The following SKIDA1 variants were observed in gnomAD, a reference collection of about 807,000 sequenced individuals.
SKIDA1 encodes the protein SKI/DACH domain containing 1, also known as SKI/DACH domain-containing protein 1.
A neutral mutation model predicts 51.4 loss-of-function variants in SKIDA1; 18 were observed. That is an observed-to-expected ratio of 0.35 (90% CI 0.24 to 0.52). The LOEUF is 0.52. Ranked by LOEUF, SKIDA1 falls within the 20% of genes least tolerant of loss-of-function variation. SKIDA1 has a pLI of 0.95. For missense variants in SKIDA1, 1,104 were observed against 1,180.6 expected, an observed-to-expected ratio of 0.94 and a Z score of 0.95; for synonymous variants, 579 against 500.5, an observed-to-expected ratio of 1.16 and a Z score of -2.09.
chr10:21,521,079 C>CACACAT (rs1554772021), intron 3 of SKIDA1, among the ~76,000 whole-genome samples: 5 of 151,870 alleles, frequency 3.3e-5, no homozygotes, highest in Non-Finnish European at 7.4e-5. Context: ...CACACACACA[C>CACACAT]ACACACACAA....
Position 21,515,887 on chromosome 10 carries a change from T to C in SKIDA1, c.1936A>G (p.Thr646Ala). 1 of 1,614,074 alleles carries C rather than the reference T, an allele frequency of 6.2e-7. No homozygotes were observed. The highest frequency in any genetic ancestry group is 1.3e-5 in the African/African-American group (1 of 75,070). Reference sequence around the variant, plus strand: ...TCAGTCTGCGAAGAGGGCAAATCCGTAGCAAATTCAGGACAATGAAGGATT... The same window carrying C: ...TCAGTCTGCGAAGAGGGCAAATCCGCAGCAAATTCAGGACAATGAAGGATT... ...SKILHCPEFA[T>A]DLPSSQTDPE... Residue 646 changes from threonine to alanine, a missense_variant, in exon 4 of 4, where the codon ACG (threonine) becomes GCG (alanine). Thr to Ala is a moderately conservative substitution (Grantham distance 58). Around this residue, in one of 3 missense-constraint regions of SKIDA1, gnomAD observed 938 missense variants for 886.4 expected, o/e 1.06. Coordinates refer to ENST00000449193, the MANE Select transcript of SKIDA1 (RefSeq NM_207371.4).
Position 21,516,768 on chromosome 10 carries a change from C to CGGTGGTGGT in SKIDA1, c.1046_1054dup (p.His349_His351dup), listed in dbSNP as rs770117846. On this transcript the variant is annotated inframe_insertion, in exon 4 of 4. Transcript: ENST00000449193. This position sits in a 1 kb window ranked among gnomAD's most constrained non-coding sequence, Gnocchi z 5.7. ...GTGACTCTGCTGCGGCGGCTGGGCC[C>CGGTGGTGGT]GGTGGTGGTGGTGGTGGTGGTGATG... 48 of 1,538,368 alleles carry CGGTGGTGGT rather than the reference C, an allele frequency of 3.1e-5. No individual in the cohort carries two copies. In the South Asian group the frequency reaches 4.7e-4, roughly 15 times the overall value.
intron 2 of SKIDA1, among the ~76,000 whole-genome samples, chr10:21,522,266 A>ACC (rs71393906): frequency 3.3e-5 from 1 of 30,444 alleles, no homozygotes; most frequent in Non-Finnish European, 6.1e-5. Context: ...GATCACAGCC[A>ACC]CCCCCCCCCC....
intron 3 of SKIDA1, among the ~76,000 whole-genome samples, chr10:21,521,118 G>T (rs1477772076): frequency 3.4e-5 from 5 of 147,484 alleles, no homozygotes; most frequent in African/African-American, 1.3e-4. Context: ...AGCTTTCTTG[G>T]GCCATCAGCA....
Position 21,514,934 on chromosome 10 carries a change from A to AAC in SKIDA1, c.*161_*162insGT. The AAC allele has an allele frequency of 9.7e-6, 8 of 826,706 alleles. No homozygotes were observed. Among genetic ancestry groups the AAC allele is most frequent in the South Asian group, 4.5e-5 (1 of 22,332 alleles). The allele number at this position is 826,706 out of a possible 1,614,324, so 51.2% of individuals were successfully genotyped here. On this transcript the variant is annotated 3_prime_UTR_variant, in exon 4 of 4. Coordinates refer to ENST00000449193, the MANE Select transcript of SKIDA1 (RefSeq NM_207371.4). The stretch of plus-strand genomic sequence containing the variant: ...CCCTACTCCAGAAAAAAAAAAAAAA[A>AAC]CCCGCAACGGAAAAAAAGTAATCCG...
chr10:21,522,072 A>G (rs1313565912), intron 2 of SKIDA1, among the ~76,000 whole-genome samples: 1 of 152,202 alleles, frequency 6.6e-6, no homozygotes, highest in East Asian at 1.9e-4. Flanking sequence ...TTAGCTGGGA[A>G]ATGCAATAGC....
In SKIDA1 at chr10:21,515,439, G is replaced by T; in HGVS notation, c.2384C>A (p.Pro795His). Reference protein sequence around the residue: ...VLGKRPVLQTPPVKPNLKSAR... With the variant: ...VLGKRPVLQTHPVKPNLKSAR... ...TGATTTCAAATTTGGTTTGACTGGA[G>T]GTGTCTGAAGGACAGGTCGCTTTCC... Residue 795 changes from proline (P) to histidine (H), a missense_variant, in exon 4 of 4, where the codon CCT (proline) becomes CAT (histidine). Pro to His is a moderately conservative substitution (Grantham distance 77). Coordinates refer to ENST00000449193, the MANE Select transcript of SKIDA1 (RefSeq NM_207371.4). The T allele has an allele frequency of 6.2e-7, 1 of 1,614,014 alleles. No homozygotes were observed. The highest frequency in any genetic ancestry group is 8.5e-7 in the Non-Finnish European group (1 of 1,179,906).
In SKIDA1 at chr10:21,516,536, C is replaced by CG; in HGVS notation, c.1286_1287insC (p.Ser431GlnfsTer8). On this transcript the variant is annotated frameshift_variant, in exon 4 of 4. Coordinates refer to ENST00000449193, the MANE Select transcript of SKIDA1 (RefSeq NM_207371.4). LOFTEE classifies it high-confidence loss of function. The surrounding 1 kb of genome is among the most constrained non-coding windows in gnomAD (Gnocchi z 5.7). ...CACTGGAATCCGAGGCCCCGCTGCCCCCCTCCTCCTCCTCTTCCTCCTCCT... is the reference window on the plus strand; with the variant it reads ...CACTGGAATCCGAGGCCCCGCTGCCCGCCCTCCTCCTCCTCTTCCTCCTCCT... 3 of 1,502,486 alleles carry CG rather than the reference C, an allele frequency of 2.0e-6. No homozygotes were observed. Among genetic ancestry groups the CG allele is most frequent in the Non-Finnish European group, 1.8e-6 (2 of 1,134,814 alleles). 93.1% of individuals were successfully genotyped at this position (1,502,486 alleles called of 1,614,324 possible).
chr10:21,517,469 C>G lies in SKIDA1; in HGVS notation c.354G>C (p.Pro118=). The change falls in exon 4 of 4, where the codon CCG becomes CCC. Residue 118 remains proline, a synonymous_variant. Coordinates refer to ENST00000449193, the MANE Select transcript of SKIDA1 (RefSeq NM_207371.4). This position sits in a 1 kb window ranked among gnomAD's most constrained non-coding sequence, Gnocchi z 6.9. ...VGRALATKAP[P]PERAAAASPR... ...GGCTGGCGGCAGCGGCGCGCTCTGGCGGCGGCGCCTTTGTGGCCAGGGCCC... is the reference window on the plus strand; with the variant it reads ...GGCTGGCGGCAGCGGCGCGCTCTGGGGGCGGCGCCTTTGTGGCCAGGGCCC... The G allele has an allele frequency of 1.3e-6, 2 of 1,525,282 alleles. No individual in the cohort carries two copies. The highest frequency in any genetic ancestry group is 1.8e-6 in the Non-Finnish European group (2 of 1,139,778). 94.5% of individuals were successfully genotyped at this position (1,525,282 alleles called of 1,614,324 possible).
Position 21,515,521 on chromosome 10 carries a change from C to T in SKIDA1, c.2302G>A (p.Asp768Asn), listed in dbSNP as rs779527837. ...SCTLGSPKPE[D>N]GEYKFGARVR... ...CTGGCACCAAATTTATATTCCCCATCCTCAGGTTTTGGAGAACCTAAAGTG... is the reference window on the plus strand; with the variant it reads ...CTGGCACCAAATTTATATTCCCCATTCTCAGGTTTTGGAGAACCTAAAGTG... Residue 768 changes from aspartate to asparagine, a missense_variant, in exon 4 of 4, where the codon GAT becomes AAT. Physicochemically the swap from Asp to Asn is conservative, Grantham distance 23 (BLOSUM62 1). This residue lies in a region of SKIDA1 where 938 missense variants were observed against 886.4 expected (regional missense o/e 1.06). Coordinates refer to ENST00000449193, the MANE Select transcript of SKIDA1 (RefSeq NM_207371.4). 2 of 1,613,996 alleles carry T rather than the reference C, an allele frequency of 1.2e-6. No homozygotes were observed. The highest frequency in any genetic ancestry group is 4.5e-5 in the East Asian group (2 of 44,888).
In SKIDA1 at chr10:21,515,790, G is replaced by C; in HGVS notation, c.2033C>G (p.Thr678Arg). ...ENPCTDTGDK[T>R]LPFLHNIKIK... The stretch of plus-strand genomic sequence containing the variant: ...TTTAATATTGTGCAGAAATGGCAAT[G>C]TCTTGTCGCCTGTGTCAGTGCAGGG... The change falls in exon 4 of 4, where the codon ACA (threonine) becomes AGA (arginine). Residue 678 changes from threonine (T) to arginine (R), a missense_variant. By Grantham distance (71) the Thr-to-Arg change is moderately conservative. Transcript: ENST00000449193. 6.2e-7 allele frequency: 1 copy of C among 1,614,028 alleles called. No individual in the cohort carries two copies. The highest frequency in any genetic ancestry group is 8.5e-7 in the Non-Finnish European group (1 of 1,179,900).
In SKIDA1 at chr10:21,518,456, T is replaced by C. The variant is rs2032305871; in HGVS notation, c.-634A>G. 6.0e-6 allele frequency: 1 copy of C among 166,348 alleles called. No homozygotes were observed. The highest frequency in any genetic ancestry group is 6.6e-5 in the Admixed American group (1 of 15,228). 10.3% of individuals were successfully genotyped at this position (166,348 alleles called of 1,614,324 possible). On this transcript the variant is annotated 5_prime_UTR_variant, in exon 4 of 4. Transcript: ENST00000449193. ...CAAAGTAAATAATACAGTCGGTATA[T>C]AAATCTTTCCATTAAACTATCGGAG...
rs908328759 is a variant in SKIDA1 at position 21,516,737 on chromosome 10, G to C, written c.1086C>G (p.Pro362=). The C allele has an allele frequency of 1.2e-5, 18 of 1,549,854 alleles. No homozygotes were observed. Among genetic ancestry groups the C allele is most frequent in the Admixed American group, 5.9e-5 (3 of 50,946 alleles). ...RAQPPQQSHH[P]PHHHRPQPHL... is the part of the protein sequence containing the mutation. ...GGGGCTGCGGCCGGTGGTGGTGAGG[G>C]GGGTGGTGACTCTGCTGCGGCGGCT... The change falls in exon 4 of 4, where the codon CCC becomes CCG. Residue 362 remains proline, a synonymous_variant. Transcript: ENST00000449193. This position sits in a 1 kb window ranked among gnomAD's most constrained non-coding sequence, Gnocchi z 5.7.
Position 21,518,850 on chromosome 10 carries a change from CTTTTT to C in SKIDA1, c.-1033_-1029del, listed in dbSNP as rs11384540. On this transcript the variant is annotated 5_prime_UTR_variant, in exon 4 of 4. Transcript: ENST00000449193. Reference sequence around the variant, plus strand: ...ACGTTTGGAATTTCTCTCGATTTTCCTTTTTTTTTTTTTTTTTTCCTGAAATGCCT... The same window carrying C: ...ACGTTTGGAATTTCTCTCGATTTTCCTTTTTTTTTTTTTCCTGAAATGCCT... 727 of 141,764 alleles carry C rather than the reference CTTTTT, an allele frequency of 5.1e-3. 2 individuals are homozygous for C. The highest frequency in any genetic ancestry group is 7.1e-3 in the Non-Finnish European group (443 of 62,698). The allele number at this position is 141,764 out of a possible 1,614,324, so 8.8% of individuals were successfully genotyped here.
chr10:21,525,121 T>TAAA (rs2032648559), intron 1 of SKIDA1, among the ~76,000 whole-genome samples: 1 of 152,212 alleles, frequency 6.6e-6, no homozygotes, highest in African/African-American at 2.4e-5. Context: ...GTCATTTAAA[T>TAAA]AGACTTTCTT....
At chr10:21,520,135 T>C (rs780487968) in intron 3 of SKIDA1, among the ~76,000 whole-genome samples, 11 of 152,210 alleles carry the variant, frequency 7.2e-5, no homozygotes, top group South Asian at 2.1e-4. Flanking sequence ...TTTTGTCCCT[T>C]GAATGAAAGA....
chr10:21,517,954 CTG>C lies in SKIDA1; in HGVS notation c.-134_-133del, dbSNP rs888054675. 9.7e-6 allele frequency: 8 copies of C among 823,146 alleles called. No individual in the cohort carries two copies. In the African/African-American group the frequency reaches 1.4e-4, roughly 14 times the overall value. The allele number at this position is 823,146 out of a possible 1,614,324, so 51.0% of individuals were successfully genotyped here. A position where few individuals can be genotyped will look rare whatever the true frequency, so the allele number is the denominator to read the frequency against. On this transcript the variant is annotated 5_prime_UTR_variant, in exon 4 of 4. Coordinates refer to ENST00000449193, the MANE Select transcript of SKIDA1 (RefSeq NM_207371.4). The surrounding 1 kb of genome is among the most constrained non-coding windows in gnomAD (Gnocchi z 6.9). ...CATCCTGCTAATAAAATAACAAAGACTGTTATTCCCGGCGAAGGAAGTGCCAA... is the reference window on the plus strand; with the variant it reads ...CATCCTGCTAATAAAATAACAAAGACTTATTCCCGGCGAAGGAAGTGCCAA...
chr10:21,514,487 T>C lies in SKIDA1; in HGVS notation c.*609A>G, dbSNP rs1451341747. ...TAATCAGGACTCACACCCCAATCTT[T>C]CCACTAAAAAAAAAAAAAAAAAGTT... On this transcript the variant is annotated 3_prime_UTR_variant, in exon 4 of 4. Transcript: ENST00000449193. 1 of 135,122 alleles carries C rather than the reference T, an allele frequency of 7.4e-6. No individual in the cohort carries two copies. Among genetic ancestry groups the C allele is most frequent in the Non-Finnish European group, 1.6e-5 (1 of 62,780 alleles). 8.4% of individuals were successfully genotyped at this position (135,122 alleles called of 1,614,324 possible).
At chr10:21,522,266 A>ACCGCCCCCCCCCCCCCCCCCCC (rs1564338473) in intron 2 of SKIDA1, among the ~76,000 whole-genome samples, 1 of 30,442 alleles carries the variant, frequency 3.3e-5, no homozygotes, top group Non-Finnish European at 6.1e-5. Context: ...GATCACAGCC[A>ACCGCCCCCCCCCCCCCCCCCCC]CCCCCCCCCC....
Sources: allele counts gnomAD v4.1 joint callset (sites outside exome capture counted in the v4.1 genomes callset), GRCh38; gene constraint gnomAD v4.1.1; regional missense constraint gnomAD v4.1.1; non-coding constraint Gnocchi (gnomAD v3.1); transcripts MANE v1.5; gene names NCBI Gene and HGNC (gene_info 2026-07-23, HGNC 2026-07-21).